Variants in PAX2 observed in about 807,000 individuals in gnomAD.
The protein encoded by PAX2 is paired box 2.
A neutral mutation model predicts 41.7 loss-of-function variants in PAX2; 9 were observed. That is an observed-to-expected ratio of 0.22 (90% CI 0.13 to 0.38). The LOEUF (loss-of-function observed/expected upper bound fraction) is 0.38. Ranked by LOEUF, PAX2 falls within the 10% of genes least tolerant of loss-of-function variation. The pLI is 1.00. For missense variants in PAX2, 418 were observed against 531.6 expected, an observed-to-expected ratio of 0.79 and a Z score of 2.10; for synonymous variants, 221 against 212.7, an observed-to-expected ratio of 1.04 and a Z score of -0.34.
chr10:100,827,578 T>TCCGCCCCTG lies in PAX2; in HGVS notation c.1149_1157dup (p.Pro384_Ala386dup). 6.2e-7 allele frequency: 1 copy of TCCGCCCCTG among 1,613,218 alleles called. No individual in the cohort carries two copies. The highest frequency in any genetic ancestry group is 8.5e-7 in the Non-Finnish European group (1 of 1,179,560). On this transcript the variant is annotated inframe_insertion, in exon 10 of 10. Coordinates refer to ENST00000355243, the MANE Select transcript of PAX2 (RefSeq NM_000278.5). This position sits in a 1 kb window ranked among gnomAD's most constrained non-coding sequence, Gnocchi z 8.5. ...TTATTATAGTGCCGCCCCCCGGGGC[T>TCCGCCCCTG]CCGCCCCTGCCGCTGCTGCCGCTGC... is the stretch of plus-strand genomic sequence containing the variant.
chr10:100,744,672 G>A (rs1216801267), upstream of PAX2, among the ~76,000 whole-genome samples: 2 of 152,192 alleles, frequency 1.3e-5, no homozygotes, highest in Non-Finnish European at 2.9e-5. Context: ...TGCCGCCAGC[G>A]ACCTGCAGCT....
intron 1 of PAX2, chr10:100,747,771 C>T (rs1845251565): frequency 1.0e-6 from 1 of 984,980 alleles, no homozygotes; most frequent in Non-Finnish European, 1.2e-6. Flanking sequence ...CGGGTCTCGG[C>T]GAGCGGGCCG....
chr10:100,749,279 G>A, intron 1 of PAX2: 1 of 996,462 alleles, frequency 1.0e-6, no homozygotes, highest in South Asian at 4.7e-5. Flanking sequence ...GCCGAGCCTC[G>A]ACGCCCCCAA....
chr10:100,824,763 C>A lies in PAX2; in HGVS notation c.1021+14C>A. The stretch of plus-strand genomic sequence containing the variant: ...GAATGGTGCCTGGTAGGTGACAATG[C>A]TGCAGCTGCCTAATCTAGGTGGGGG... On this transcript the variant is annotated intron_variant, in intron 8 of 9. Transcript: ENST00000355243. The surrounding 1 kb of genome is among the most constrained non-coding windows in gnomAD (Gnocchi z 6.6). 6.4e-7 allele frequency: 1 copy of A among 1,564,644 alleles called. No individual in the cohort carries two copies. The highest frequency in any genetic ancestry group is 8.8e-7 in the Non-Finnish European group (1 of 1,134,928).
intron 4 of PAX2, among the ~76,000 whole-genome samples, chr10:100,780,917 T>C (rs1322935329): frequency 1.3e-5 from 2 of 152,174 alleles, no homozygotes; most frequent in Non-Finnish European, 2.9e-5. Context: ...GGAGACAGGT[T>C]TGCTGTTTCC....
At chr10:100,745,305 C>T (rs1050233242), upstream of PAX2, among the ~76,000 whole-genome samples, 1 of 152,164 alleles carries the variant, frequency 6.6e-6, no homozygotes, top group African/African-American at 2.4e-5. Context: ...TCCCCCTCCC[C>T]CGGTCCGCTC....
chr10:100,795,917 C>G (rs1013494040), intron 5 of PAX2, among the ~76,000 whole-genome samples: 1 of 152,228 alleles, frequency 6.6e-6, no homozygotes, highest in African/African-American at 2.4e-5. Context: ...GTTCTGCCTT[C>G]TCTCTCAATA....
intron 7 of PAX2, among the ~76,000 whole-genome samples, chr10:100,816,182 A>G (rs1848179534): frequency 1.3e-5 from 2 of 152,352 alleles, no homozygotes; most frequent in African/African-American, 4.8e-5. Context: ...ATTTGAATCA[A>G]AATATTTTCT....
intron 1 of PAX2, chr10:100,749,457 C>T (rs1845349219): frequency 2.4e-6 from 3 of 1,267,118 alleles, no homozygotes; most frequent in Non-Finnish European, 3.0e-6. Flanking sequence ...CTCCCCTCTC[C>T]CCTCTTTTCT....
intron 5 of PAX2, among the ~76,000 whole-genome samples, chr10:100,787,558 T>A (rs1313553217): frequency 2.0e-5 from 3 of 152,032 alleles, no homozygotes; most frequent in Non-Finnish European, 4.4e-5. Context: ...TCAATCTCCA[T>A]CCATGAATCT....
At chr10:100,742,474 C>T (rs140650162), upstream of PAX2, among the ~76,000 whole-genome samples, 1,434 of 152,144 alleles carry the variant, frequency 9.4e-3, 13 homozygotes, top group Middle Eastern at 0.017. Flanking sequence ...GGCCGCCAGG[C>T]GCCTGGGCAA....
chr10:100,748,399 G>A lies in PAX2; in HGVS notation c.44-1347G>A. The stretch of plus-strand genomic sequence containing the variant: ...CAACGCGATCAGAGGTCTTTCCCCA[G>A]GGTTTCACCGAGCTTGCTCTAGGTA... On this transcript the variant is annotated intron_variant, in intron 1 of 9. Coordinates refer to ENST00000355243, the MANE Select transcript of PAX2 (RefSeq NM_000278.5). The surrounding 1 kb of genome is among the most constrained non-coding windows in gnomAD (Gnocchi z 5.0). 1 of 979,840 alleles carries A rather than the reference G, an allele frequency of 1.0e-6. No homozygotes were observed. Among genetic ancestry groups the A allele is most frequent in the Non-Finnish European group, 1.2e-6 (1 of 829,792 alleles). 60.7% of individuals were successfully genotyped at this position (979,840 alleles called of 1,614,324 possible).
At chr10:100,765,945 T>C (rs1420489502) in intron 3 of PAX2, among the ~76,000 whole-genome samples, 1 of 152,064 alleles carries the variant, frequency 6.6e-6, no homozygotes, top group Non-Finnish European at 1.5e-5. Flanking sequence ...ATCATCATCA[T>C]CATAGTGGTT....
intron 5 of PAX2, among the ~76,000 whole-genome samples, chr10:100,804,588 AG>A (rs1225148983): frequency 6.6e-6 from 1 of 152,218 alleles, no homozygotes; most frequent in Non-Finnish European, 1.5e-5. Context: ...TGAAAAAAGA[AG>A]TAGGCACAGG....
At chr10:100,811,292 T>C (rs1015381190) in intron 7 of PAX2, among the ~76,000 whole-genome samples, 3 of 152,246 alleles carry the variant, frequency 2.0e-5, no homozygotes, top group African/African-American at 7.2e-5. Flanking sequence ...CTGCAGTTAT[T>C]GATCTTTGTT....
upstream of PAX2, among the ~76,000 whole-genome samples, chr10:100,745,501 T>A (rs1845119068): frequency 6.6e-6 from 1 of 152,062 alleles, no homozygotes; most frequent in African/African-American, 2.4e-5. Context: ...AAGTCATCCA[T>A]CTCCCGGCGC....
At chr10:100,822,310 T>C (rs779625289) in intron 7 of PAX2, among the ~76,000 whole-genome samples, 2 of 152,178 alleles carry the variant, frequency 1.3e-5, no homozygotes, top group Non-Finnish European at 2.9e-5. Flanking sequence ...AAAATCATAA[T>C]CTATTGTTTA....
Position 100,824,485 on chromosome 10 carries a change from C to T in PAX2, c.920-163C>T, listed in dbSNP as rs1169097467. 2.0e-5 allele frequency among the ~76,000 whole-genome samples: 3 copies of T among 152,126 alleles called. No homozygotes were observed. Among genetic ancestry groups the T allele is most frequent in the African/African-American group, 7.2e-5 (3 of 41,414 alleles). ...TTTAGCTTAGACACATGCAAAGGCA[C>T]ACTCAGATGGCGCATTCAGGTGCAC... On this transcript the variant is annotated intron_variant, in intron 7 of 9. Transcript: ENST00000355243. The surrounding 1 kb of genome is among the most constrained non-coding windows in gnomAD (Gnocchi z 6.6).
chr10:100,760,398 A>C (rs1046518824), intron 3 of PAX2, among the ~76,000 whole-genome samples: 6 of 152,206 alleles, frequency 3.9e-5, no homozygotes, highest in African/African-American at 1.4e-4. Context: ...GACAGTAGAC[A>C]TCCTGATGGG....
Sources: gnomAD v4.1 joint callset for allele counts (sites outside exome capture counted in the v4.1 genomes callset) on GRCh38, gnomAD v4.1.1 for gene constraint, Gnocchi (gnomAD v3.1) non-coding constraint, MANE v1.5 for transcripts, NCBI Gene and HGNC (gene_info 2026-07-23, HGNC 2026-07-21) for gene names.